LRP1B: variants seen among roughly 807,000 people sequenced by gnomAD.
LRP1B encodes low-density lipoprotein receptor-related protein 1B.
A neutral mutation model predicts 556.6 loss-of-function variants in LRP1B; 217 were observed. That is an observed-to-expected ratio of 0.39 (90% confidence interval 0.35 to 0.44). The LOEUF (loss-of-function observed/expected upper bound fraction) is 0.44. LRP1B is among the 20% of genes least tolerant of loss of function. The pLI is 1.00. For missense variants in LRP1B, 5,053 were observed against 5,620.8 expected, an observed-to-expected ratio of 0.90 and a Z score of 3.23; for synonymous variants, 2,047 against 1,865.8, an observed-to-expected ratio of 1.10 and a Z score of -2.50.
intron 23 of LRP1B, among the ~76,000 whole-genome samples, chr2:140,899,338 G>A (rs1330597170): frequency 3.3e-5 from 5 of 152,182 alleles, no homozygotes; most frequent in Non-Finnish European, 4.4e-5. Context: ...CTCCATTTGA[G>A]TCATGGGTAT....
chr2:140,719,444 T>C (rs1041761189), intron 35 of LRP1B, among the ~76,000 whole-genome samples: 19 of 152,176 alleles, frequency 1.2e-4, no homozygotes, highest in African/African-American at 4.6e-4. Context: ...CATTTCATAT[T>C]ACTTTCTAAT....
At chr2:141,542,945 A>G (rs182868822) in intron 2 of LRP1B, among the ~76,000 whole-genome samples, 1 of 152,278 alleles carries the variant, frequency 6.6e-6, no homozygotes, top group East Asian at 1.9e-4. Context: ...TTTTTTATGT[A>G]CTGATAGCAG....
intron 32 of LRP1B, among the ~76,000 whole-genome samples, chr2:140,785,662 C>A (rs1394049315): frequency 1.3e-5 from 2 of 152,148 alleles, no homozygotes; most frequent in Non-Finnish European, 2.9e-5. Flanking sequence ...GCCCCAACAG[C>A]TCCCAAATCT....
intron 2 of LRP1B, among the ~76,000 whole-genome samples, chr2:141,510,234 A>ACCCCCCC (rs1553524127): frequency 6.9e-6 from 1 of 145,278 alleles, no homozygotes; most frequent in African/African-American, 2.5e-5. Context: ...ACACACACAC[A>ACCCCCCC]CCCCCCACAG....
intron 2 of LRP1B, among the ~76,000 whole-genome samples, chr2:141,503,217 A>G (rs866522155): frequency 6.8e-6 from 1 of 146,690 alleles, no homozygotes. Context: ...ATGACTATAT[A>G]TAAGATATAC....
At position 140,868,228 on chromosome 2, in the gene LRP1B, G is replaced by A. The variant is rs2105156598; in HGVS notation, c.4205C>T (p.Pro1402Leu). 2 of 1,583,628 alleles carry A rather than the reference G, an allele frequency of 1.3e-6. No homozygotes were observed. Among genetic ancestry groups the A allele is most frequent in the Non-Finnish European group, 1.7e-6 (2 of 1,168,528 alleles). Residue 1402 changes from proline (P) to leucine (L), a missense_variant, in exon 26 of 91, where the codon CCT becomes CTT. Coordinates refer to ENST00000389484, the MANE Select transcript of LRP1B (RefSeq NM_018557.3). ...LFWTDWDANF[P>L]RIESASMSGA... ...ACTCATAGAGGCAGATTCAATGCGA[G>A]GAAAATTTGCATCCCAGTCTGTCCA...
At chr2:140,598,242 T>G (rs1188827601) in intron 43 of LRP1B, among the ~76,000 whole-genome samples, 1 of 152,180 alleles carries the variant, frequency 6.6e-6, no homozygotes, top group Non-Finnish European at 1.5e-5. Context: ...CAGAGGATCA[T>G]TTCATTCTTT....
intron 2 of LRP1B, among the ~76,000 whole-genome samples, chr2:141,518,303 A>G (rs1684399810): frequency 6.6e-6 from 1 of 152,170 alleles, no homozygotes; most frequent in East Asian, 1.9e-4. Context: ...AAGCTCAGGG[A>G]TTTCCACTGT....
intron 5 of LRP1B, among the ~76,000 whole-genome samples, chr2:141,239,963 A>G (rs1423654343): frequency 6.6e-6 from 1 of 152,142 alleles, no homozygotes; most frequent in Admixed American, 6.6e-5. Context: ...ATTCTGATGT[A>G]TCAAACTTCT....
intron 35 of LRP1B, among the ~76,000 whole-genome samples, chr2:140,736,504 A>C (rs1318899959): frequency 6.6e-6 from 1 of 152,206 alleles, no homozygotes; most frequent in Non-Finnish European, 1.5e-5. Flanking sequence ...TAACTAAAAC[A>C]GCATGGTACT....
intron 3 of LRP1B, among the ~76,000 whole-genome samples, chr2:141,387,886 T>C (rs1445717424): frequency 6.6e-6 from 1 of 152,024 alleles, no homozygotes; most frequent in Non-Finnish European, 1.5e-5. Flanking sequence ...CCCTTACGGA[T>C]AGAAACCAAA....
chr2:141,209,606 T>C (rs1682454859), intron 6 of LRP1B, among the ~76,000 whole-genome samples: 1 of 152,228 alleles, frequency 6.6e-6, no homozygotes, highest in African/African-American at 2.4e-5. Flanking sequence ...AATAAGGTTA[T>C]ATAACATGCA....
chr2:142,019,681 G>A (rs1171020078), intron 1 of LRP1B, among the ~76,000 whole-genome samples: 1 of 152,112 alleles, frequency 6.6e-6, no homozygotes, highest in African/African-American at 2.4e-5. Flanking sequence ...AAACTTACCA[G>A]AGTAAAAACA....
At chr2:140,777,602 C>T (rs1689544333) in intron 32 of LRP1B, among the ~76,000 whole-genome samples, 1 of 152,090 alleles carries the variant, frequency 6.6e-6, no homozygotes, top group Non-Finnish European at 1.5e-5. Flanking sequence ...TCAAGGATCT[C>T]CAGCTCAATG....
At chr2:141,339,767 TTTTA>T (rs869119147) in intron 3 of LRP1B, among the ~76,000 whole-genome samples, 869 of 31,600 alleles carry the variant, frequency 0.028, 5 homozygotes, top group African/African-American at 0.12. Context: ...TATTTTTCTC[TTTTA>T]TTTATTTATT....
At chr2:140,638,409 C>T (rs552462986) in intron 41 of LRP1B, among the ~76,000 whole-genome samples, 2 of 151,996 alleles carry the variant, frequency 1.3e-5, no homozygotes, top group South Asian at 4.2e-4. Context: ...AATTCTGTGG[C>T]GAGGCTGGGA....
In LRP1B at chr2:140,341,138, A is replaced by G. The variant is rs192340596; in HGVS notation, c.11893-5300T>C. ...GAATGATCTATATGATATACACAAA[A>G]TAAATTGTGTTCTTATATCTCAGTG... On this transcript the variant is annotated intron_variant, in intron 77 of 90. Transcript: ENST00000389484. Among the ~76,000 whole-genome samples the G allele has an allele frequency of 1.7e-3, 251 of 151,708 alleles. 1 individual carries two copies. The highest frequency in any genetic ancestry group is 2.7e-3 in the Non-Finnish European group (181 of 67,674).
rs57960872 is a variant in LRP1B, at chr2:141,323,995, T to TCACACA, written c.344-69360_344-69355dup. Among the ~76,000 whole-genome samples the TCACACA allele has an allele frequency of 8.6e-3, 921 of 107,314 alleles. 11 individuals are homozygous for TCACACA. The highest frequency in any genetic ancestry group is 0.012 in the African/African-American group (313 of 27,020). The allele number at this position is 107,314 out of a possible 152,430, so 70.4% of individuals were successfully genotyped here. On this transcript the variant is annotated intron_variant, in intron 3 of 90. Coordinates refer to ENST00000389484, the MANE Select transcript of LRP1B (RefSeq NM_018557.3). Reference sequence around the variant, plus strand: ...GTACTCACATACCTGAGCAAGGAAATCACACACACACACACACACCTGAAC... The same window carrying TCACACA: ...GTACTCACATACCTGAGCAAGGAAATCACACACACACACACACACACACACCTGAAC...
At chr2:141,087,969 A>C (rs534639056) in intron 7 of LRP1B, among the ~76,000 whole-genome samples, 12 of 152,316 alleles carry the variant, frequency 7.9e-5, no homozygotes, top group African/African-American at 2.9e-4. Flanking sequence ...ATTTGTCCAA[A>C]ATGAAATAAT....
Sources: allele counts gnomAD v4.1 joint callset (sites outside exome capture counted in the v4.1 genomes callset), GRCh38; gene constraint gnomAD v4.1.1; transcripts MANE v1.5; gene names NCBI Gene and HGNC (gene_info 2026-07-23, HGNC 2026-07-21).